IKZF2: variants seen among roughly 807,000 people sequenced by gnomAD.
IKZF2 encodes the protein IKAROS family zinc finger 2.
A neutral mutation model predicts 49.2 loss-of-function variants in IKZF2; 15 were observed. The ratio of observed to expected loss-of-function variants is 0.30; its 90% confidence interval spans 0.20 to 0.47. IKZF2 has a LOEUF of 0.47. IKZF2 is among the 20% of genes least tolerant of loss of function. The pLI is 1.00. For missense variants in IKZF2, 567 were observed against 664.6 expected, an observed-to-expected ratio of 0.85 and a Z score of 1.61; for synonymous variants, 227 against 221.4, an observed-to-expected ratio of 1.03 and a Z score of -0.23.
intron 7 of IKZF2, 187 bp downstream of exon 7, chr2:213,021,806 C>A: frequency 1.6e-6 from 1 of 639,608 alleles, no homozygotes; most frequent in Non-Finnish European, 2.7e-6. Flanking sequence ...CTAATTCAAA[C>A]ATTATCAGAA....
At chr2:213,103,397 T>C (rs1204081622) in intron 4 of IKZF2, among the ~76,000 whole-genome samples, 3 of 152,124 alleles carry the variant, frequency 2.0e-5, no homozygotes, top group African/African-American at 4.8e-5. Flanking sequence ...TGAATACTTA[T>C]CAAAGATAAT....
intron 6 of IKZF2, among the ~76,000 whole-genome samples, chr2:213,047,747 TG>T (rs1209878317): frequency 1.3e-5 from 2 of 152,090 alleles, no homozygotes; most frequent in African/African-American, 4.8e-5. Context: ...GAACTATGCT[TG>T]GAACTCAGGG....
chr2:213,110,621 G>T (rs2059675754), intron 4 of IKZF2, among the ~76,000 whole-genome samples: 1 of 151,850 alleles, frequency 6.6e-6, no homozygotes, highest in East Asian at 1.9e-4. Context: ...AAACAATGCT[G>T]CAATGAATAA....
At chr2:213,024,506 T>C (rs1370743648) in intron 6 of IKZF2, among the ~76,000 whole-genome samples, 1 of 152,000 alleles carries the variant, frequency 6.6e-6, no homozygotes, top group Non-Finnish European at 1.5e-5. Flanking sequence ...AAAAGAATGG[T>C]GGTGTAGTAT....
intron 4 of IKZF2, among the ~76,000 whole-genome samples, chr2:213,135,677 C>A (rs1382251642): frequency 6.7e-6 from 1 of 148,824 alleles, no homozygotes; most frequent in Admixed American, 6.7e-5. Context: ...AGAACAAGAC[C>A]CCATCTCAGG....
intron 4 of IKZF2, among the ~76,000 whole-genome samples, chr2:213,095,057 T>A (rs1428454491): frequency 6.6e-6 from 1 of 152,152 alleles, no homozygotes; most frequent in Non-Finnish European, 1.5e-5. Context: ...TAAACATCCA[T>A]AAAGGCAACT....
chr2:213,077,580 C>CT (rs58528665), intron 4 of IKZF2, among the ~76,000 whole-genome samples: 764 of 59,328 alleles, frequency 0.013, 18 homozygotes, highest in Middle Eastern at 0.019. Flanking sequence ...ATTCTATGTA[C>CT]TTTTTTTTTT....
intron 4 of IKZF2, among the ~76,000 whole-genome samples, chr2:213,101,527 T>A (rs1268345164): frequency 6.8e-6 from 1 of 146,004 alleles, no homozygotes; most frequent in Admixed American, 7.0e-5. Context: ...TGACACTACC[T>A]ACTATTAAGA....
chr2:213,123,341 C>T (rs1409028070), intron 4 of IKZF2, among the ~76,000 whole-genome samples: 1 of 152,146 alleles, frequency 6.6e-6, no homozygotes, highest in Non-Finnish European at 1.5e-5. Context: ...ATAGTATCTG[C>T]TCAAAATTCT....
intron 4 of IKZF2, among the ~76,000 whole-genome samples, chr2:213,073,270 T>G (rs1702901528): frequency 6.6e-6 from 1 of 152,124 alleles, no homozygotes; most frequent in African/African-American, 2.4e-5. Flanking sequence ...ATCACTGAAC[T>G]AGAAGTAAGA....
Position 213,013,839 on chromosome 2 carries a change from T to A in IKZF2, c.808A>T (p.Thr270Ser), listed in dbSNP as rs776068235. The A allele has an allele frequency of 6.2e-7, 1 of 1,611,650 alleles. No homozygotes were observed. The highest frequency in any genetic ancestry group is 2.2e-5 in the East Asian group (1 of 44,820). The change falls in exon 8 of 9, where the codon ACG (threonine) becomes TCG (serine). Residue 270 changes from threonine (T) to serine (S), a missense_variant. Transcript: ENST00000434687. ...CTTTTACGTTTTCCCATATTCCCCG[T>A]GAGCTTCTCTATGACAGCAGGTCTC... is the stretch of plus-strand genomic sequence containing the variant. ...FERPAVIEKL[T>S]GNMGKRKSST... is the part of the protein sequence containing the mutation.
chr2:213,100,396 TAAAAC>T (rs1479119946), intron 4 of IKZF2, among the ~76,000 whole-genome samples: 3 of 151,966 alleles, frequency 2.0e-5, no homozygotes, highest in South Asian at 2.1e-4. Flanking sequence ...TATTTTATAA[TAAAAC>T]AAACTAAAAT....
chr2:213,080,862 C>T (rs1703871106), intron 4 of IKZF2, among the ~76,000 whole-genome samples: 1 of 152,110 alleles, frequency 6.6e-6, no homozygotes, highest in Admixed American at 6.5e-5. Context: ...ATTTACTAAG[C>T]TCCTTCTCTA....
intron 7 of IKZF2, among the ~76,000 whole-genome samples, chr2:213,019,546 T>C (rs1696980780): frequency 6.6e-6 from 1 of 152,198 alleles, no homozygotes; most frequent in Non-Finnish European, 1.5e-5. Flanking sequence ...AAGGATAATC[T>C]CAAATTATTG....
At chr2:213,023,173 G>A (rs929286982) in intron 6 of IKZF2, among the ~76,000 whole-genome samples, 3 of 152,210 alleles carry the variant, frequency 2.0e-5, no homozygotes, top group Non-Finnish European at 4.4e-5. Context: ...TTTGCTCAGA[G>A]AATAACAGAC....
intron 5 of IKZF2, among the ~76,000 whole-genome samples, chr2:213,054,593 C>T (rs1281678476): frequency 6.6e-6 from 1 of 152,076 alleles, no homozygotes; most frequent in Non-Finnish European, 1.5e-5. Context: ...ATATCATGTC[C>T]ACAATTTCAA....
chr2:213,149,280 T>G (rs1319445186), intron 2 of IKZF2, among the ~76,000 whole-genome samples: 3 of 151,870 alleles, frequency 2.0e-5, no homozygotes, highest in Non-Finnish European at 4.4e-5. Flanking sequence ...TGGACACAAA[T>G]GCCAAGCCTA....
At chr2:213,087,396 G>GA (rs1347772716) in intron 4 of IKZF2, among the ~76,000 whole-genome samples, 3 of 151,964 alleles carry the variant, frequency 2.0e-5, no homozygotes, top group African/African-American at 2.4e-5. Flanking sequence ...TAGTTCTGAG[G>GA]AAAAAAATGC....
intron 4 of IKZF2, among the ~76,000 whole-genome samples, chr2:213,096,237 G>A (rs1345446544): frequency 6.6e-6 from 1 of 151,948 alleles, no homozygotes; most frequent in Non-Finnish European, 1.5e-5. Flanking sequence ...GTCTTAGAAT[G>A]TCTAAGAATA....
Sources: gnomAD v4.1 joint callset for allele counts (sites outside exome capture counted in the v4.1 genomes callset) on GRCh38, gnomAD v4.1.1 for gene constraint, MANE v1.5 for transcripts, NCBI Gene and HGNC (gene_info 2026-07-23, HGNC 2026-07-21) for gene names.